Variants in AHCTF1 observed in about 807,000 individuals in gnomAD.
AHCTF1 encodes the protein protein ELYS.
In AHCTF1, 24 loss-of-function variants were observed where a neutral mutation model predicts 248.4. The ratio of observed to expected loss-of-function variants is 0.10; its 90% CI spans 0.07 to 0.14. The LOEUF is 0.14. AHCTF1 is among the 10% of genes least tolerant of loss of function. The probability of loss-of-function intolerance (pLI) is 1.00; values close to 1 mark genes in which losing one functional copy is unlikely to be tolerated. For missense variants in AHCTF1, 2,206 were observed against 2,636.2 expected, an observed-to-expected ratio of 0.84 and a Z score of 3.57; for synonymous variants, 786 against 929.8, an observed-to-expected ratio of 0.85 and a Z score of 2.81.
At chr1:246,875,107 G>A (rs1025799731) in intron 24 of AHCTF1, among the ~76,000 whole-genome samples, 4 of 152,162 alleles carry the variant, frequency 2.6e-5, no homozygotes, top group Non-Finnish European at 5.9e-5. Flanking sequence ...CCCAGGAGGT[G>A]CTACGACTTC....
rs561860295 is a variant in AHCTF1 at position 246,849,801 on chromosome 1, T to C, written c.6205A>G (p.Thr2069Ala). 2 of 1,614,002 alleles carry C rather than the reference T, an allele frequency of 1.2e-6. No individual in the cohort carries two copies. The highest frequency in any genetic ancestry group is 2.2e-5 in the South Asian group (2 of 91,082). ...GTTTCTTTATGTGTCATTTCATCTG[T>C]GCGTTCTTCTGATACTGAGTGCAAT... ...RSLHSVSEER[T>A]DEMTHKETNE... Residue 2069 changes from threonine to alanine, a missense_variant, in exon 33 of 36, where the codon ACA becomes GCA. Physicochemically the swap from Thr to Ala is moderately conservative, Grantham distance 58. Coordinates refer to ENST00000648844, the MANE Select transcript of AHCTF1 (RefSeq NM_001323342.2).
chr1:246,920,160 A>AG (rs1305143611), intron 1 of AHCTF1, among the ~76,000 whole-genome samples: 3 of 150,058 alleles, frequency 2.0e-5, no homozygotes, highest in Admixed American at 6.6e-5. Context: ...AAAAAAAAAA[A>AG]AAAAAAAAGA....
At chr1:246,911,142 CT>C (rs1295602607) in intron 4 of AHCTF1, among the ~76,000 whole-genome samples, 1 of 152,090 alleles carries the variant, frequency 6.6e-6, no homozygotes, top group East Asian at 1.9e-4. Context: ...TAAAATTATC[CT>C]TGTGCACCTA....
At chr1:246,859,939 A>C (rs1182659386) in intron 29 of AHCTF1, among the ~76,000 whole-genome samples, 1 of 152,166 alleles carries the variant, frequency 6.6e-6, no homozygotes, top group Non-Finnish European at 1.5e-5. Flanking sequence ...AGAATTATAG[A>C]AACTTAAAAC....
intron 4 of AHCTF1, among the ~76,000 whole-genome samples, chr1:246,908,226 G>C (rs1558268647): frequency 1.3e-5 from 2 of 151,152 alleles, no homozygotes; most frequent in South Asian, 4.2e-4. Flanking sequence ...AACATGAAGG[G>C]GCTCTCATTA....
At position 246,840,532 on chromosome 1, in the gene AHCTF1, C is replaced by T. The variant is rs1180205500; in HGVS notation, c.*274G>A. 2 of 180,436 alleles carry T rather than the reference C, an allele frequency of 1.1e-5. No individual in the cohort carries two copies. The highest frequency in any genetic ancestry group is 4.7e-5 in the African/African-American group (2 of 42,488). 11.2% of individuals were successfully genotyped at this position (180,436 alleles called of 1,614,324 possible). On this transcript the variant is annotated 3_prime_UTR_variant, in exon 36 of 36. Transcript: ENST00000648844. ...TCCCCTCCCTTTCAAAAATCCAAGA[C>T]ACAAACGACTGTGAAGTATACATTT...
At chr1:246,901,973 C>T (rs572143382) in intron 8 of AHCTF1, among the ~76,000 whole-genome samples, 1 of 152,178 alleles carries the variant, frequency 6.6e-6, no homozygotes, top group Non-Finnish European at 1.5e-5. Flanking sequence ...TGGGTAAGTT[C>T]GCTGTGTGAT....
chr1:246,874,407 T>A (rs535032396), intron 24 of AHCTF1, among the ~76,000 whole-genome samples: 1 of 152,314 alleles, frequency 6.6e-6, no homozygotes, highest in East Asian at 1.9e-4. Context: ...TAGCCTTGCT[T>A]AACTTGCTAA....
At chr1:246,888,296 CTT>C (rs946280795) in intron 18 of AHCTF1, 63 bp from the exon 19 acceptor site, 361 of 1,611,848 alleles carry the variant, frequency 2.2e-4, no homozygotes, top group Non-Finnish European at 2.7e-4. Flanking sequence ...ATTCATGCTT[CTT>C]GTTTTCCCAA....
At chr1:246,849,114 A>G (rs548234416) in intron 33 of AHCTF1, among the ~76,000 whole-genome samples, 13 of 152,314 alleles carry the variant, frequency 8.5e-5, no homozygotes, top group African/African-American at 2.6e-4. Flanking sequence ...TTAGCTCGTG[A>G]CAATGAAGGA....
intron 24 of AHCTF1, among the ~76,000 whole-genome samples, chr1:246,868,409 C>T (rs562297831): frequency 2.8e-5 from 4 of 144,228 alleles, no homozygotes; most frequent in South Asian, 2.1e-4. Flanking sequence ...GCGTGAGCCA[C>T]TGCGCCTGGC....
At chr1:246,931,176 G>C in intron 1 of AHCTF1, 1 of 1,550,340 alleles carries the variant, frequency 6.5e-7, no homozygotes. Flanking sequence ...CACAGGACAG[G>C]CTCAGCACGC....
chr1:246,911,903 G>A (rs1665830506), intron 4 of AHCTF1, among the ~76,000 whole-genome samples: 1 of 151,920 alleles, frequency 6.6e-6, no homozygotes, highest in Non-Finnish European at 1.5e-5. Flanking sequence ...TCCATTTCTT[G>A]TTAAGTATAG....
In AHCTF1 at chr1:246,905,670, A is replaced by C. The variant is rs957448507; in HGVS notation, c.765-13T>G. On this transcript the variant is annotated splice_polypyrimidine_tract_variant and intron_variant, in intron 5 of 35. Coordinates refer to ENST00000648844, the MANE Select transcript of AHCTF1 (RefSeq NM_001323342.2). ...TTGTATGTAATATCTGAAACAAATT[A>C]GTATATTTCATATTTTTAAGTTATT... is the stretch of plus-strand genomic sequence containing the variant. 2.7e-5 allele frequency: 43 copies of C among 1,575,360 alleles called. No individual in the cohort carries two copies. Among genetic ancestry groups the C allele is most frequent in the Non-Finnish European group, 3.8e-5 (43 of 1,146,642 alleles).
At chr1:246,900,802 C>T (rs1015118713) in intron 8 of AHCTF1, among the ~76,000 whole-genome samples, 20 of 152,166 alleles carry the variant, frequency 1.3e-4, no homozygotes, top group Non-Finnish European at 2.1e-4. Context: ...AAGGACGGTA[C>T]GGAGCTAGTA....
chr1:246,844,608 C>A (rs927863818), intron 33 of AHCTF1, among the ~76,000 whole-genome samples: 8 of 152,152 alleles, frequency 5.3e-5, no homozygotes, highest in African/African-American at 1.9e-4. Flanking sequence ...CCTGTGGTGT[C>A]AGCTACGTGG....
rs1402672789 is a variant in AHCTF1 at position 246,839,686 on chromosome 1, G to A, written c.*1120C>T. The A allele has an allele frequency of 2.3e-6, 1 of 429,810 alleles. No homozygotes were observed. The highest frequency in any genetic ancestry group is 3.1e-6 in the Non-Finnish European group (1 of 322,140). 26.6% of individuals were successfully genotyped at this position (429,810 alleles called of 1,614,324 possible). A position where few individuals can be genotyped will look rare whatever the true frequency, so the allele number is the denominator to read the frequency against. On this transcript the variant is annotated 3_prime_UTR_variant, in exon 36 of 36. Transcript: ENST00000648844. ...ATTAAAATATTAAAAGCCCACGAAA[G>A]CAGTTCGTTTCTAGATAATCAATTA... is the stretch of plus-strand genomic sequence containing the variant.
At chr1:246,852,973 A>ATAAG (rs1660824924) in intron 32 of AHCTF1, 118 bp downstream of exon 32, 3 of 703,632 alleles carry the variant, frequency 4.3e-6, no homozygotes, top group South Asian at 4.4e-5. Context: ...ATTTTTATAA[A>ATAAG]TAAGTTTTTA....
chr1:246,857,605 T>G (rs2103057509), intron 30 of AHCTF1, 86 bp downstream of exon 30: 2 of 1,384,322 alleles, frequency 1.4e-6, no homozygotes, highest in Middle Eastern at 5.4e-4. Context: ...AAGTGAAATC[T>G]AACATGCACA....
Sources: allele counts gnomAD v4.1 joint callset (sites outside exome capture counted in the v4.1 genomes callset), GRCh38; gene constraint gnomAD v4.1.1; transcripts MANE v1.5; gene names NCBI Gene and HGNC (gene_info 2026-07-23, HGNC 2026-07-21).